Variants in ABCA3 observed in about 807,000 individuals in gnomAD.
The protein encoded by ABCA3 is phospholipid-transporting ATPase ABCA3.
Under a neutral mutation model 172.8 loss-of-function variants are expected in ABCA3, and 88 were observed. The observed-to-expected ratio is 0.51, with a 90% CI of 0.43 to 0.61. ABCA3 has a LOEUF of 0.61. Among genes scored for constraint, ABCA3 ranks in the 20% least tolerant of loss-of-function variants. ABCA3 has a pLI of 0.00. For missense variants in ABCA3, 2,164 were observed against 2,301.0 expected (o/e 0.94, Z 1.22); for synonymous variants, 1,066 against 983.8 (o/e 1.08, Z -1.56).
rs1350489801 is a variant in ABCA3 at position 2,283,417 on chromosome 16, G to C, written c.3863-59C>G. 4.9e-5 allele frequency: 77 copies of C among 1,584,266 alleles called. No individual in the cohort carries two copies. Among genetic ancestry groups the C allele is most frequent in the Non-Finnish European group, 3.4e-6 (4 of 1,161,508 alleles). The stretch of plus-strand genomic sequence containing the variant: ...CTGGGGCACCCTCCTCCCCTTCCAG[G>C]TTCCCGGCCCCCACTCCCCTCCCCA... On this transcript the variant is annotated intron_variant, in intron 25 of 32. Coordinates refer to ENST00000301732, the MANE Select transcript of ABCA3 (RefSeq NM_001089.3). The surrounding 1 kb of genome is among the most constrained non-coding windows in gnomAD (Gnocchi z 5.4).
chr16:2,321,459 T>C (rs2093725970), intron 7 of ABCA3, among the ~76,000 whole-genome samples: 1 of 152,194 alleles, frequency 6.6e-6, no homozygotes, highest in South Asian at 2.1e-4. Flanking sequence ...TCATGCCTCA[T>C]GGAGGGATGG....
chr16:2,318,505 CTTTT>C (rs2093720242), intron 8 of ABCA3, among the ~76,000 whole-genome samples: 1 of 151,744 alleles, frequency 6.6e-6, no homozygotes, highest in African/African-American at 2.4e-5. Flanking sequence ...CTTTTTCTTT[CTTTT>C]TCTCTTTTTC....
intron 18 of ABCA3, 114 bp from the exon 19 acceptor site, chr16:2,292,352 C>A: frequency 2.4e-6 from 2 of 846,394 alleles, no homozygotes; most frequent in Non-Finnish European, 3.9e-6. Context: ...GTAACCCCAG[C>A]ACTTTGGGAC....
At chr16:2,308,417 G>A (rs554588156) in intron 11 of ABCA3, 33 bp downstream of exon 11, 42 of 1,613,554 alleles carry the variant, frequency 2.6e-5, no homozygotes, top group African/African-American at 6.7e-5. Context: ...TTACTGATTC[G>A]GAAAGAACAG....
intron 10 of ABCA3, among the ~76,000 whole-genome samples, chr16:2,315,917 A>G (rs2093714701): frequency 1.4e-5 from 2 of 140,698 alleles, no homozygotes; most frequent in Non-Finnish European, 3.0e-5. Context: ...TCCTGGGCTC[A>G]AGTGATCCTC....
At position 2,319,579 on chromosome 16, in the gene ABCA3, A is replaced by ACCTTTCAC; in HGVS notation, c.873+1_873+2insGTGAAAGG. The ACCTTTCAC allele has an allele frequency of 6.2e-7, 1 of 1,610,542 alleles. No homozygotes were observed. Among genetic ancestry groups the ACCTTTCAC allele is most frequent in the South Asian group, 1.1e-5 (1 of 91,046 alleles). On this transcript the variant is annotated splice_donor_variant, in intron 8 of 32. Coordinates refer to ENST00000301732, the MANE Select transcript of ABCA3 (RefSeq NM_001089.3). LOFTEE classifies it high-confidence loss of function. Reference sequence around the variant, plus strand: ...TGTTGGGGAGCCAAAGCGGGCAGTCACCTTCAGCCTCCTTTCCTTCTCCTG... The same window carrying ACCTTTCAC: ...TGTTGGGGAGCCAAAGCGGGCAGTCACCTTTCACCCTTCAGCCTCCTTTCCTTCTCCTG...
In ABCA3 at chr16:2,283,482, G is replaced by A. The variant is rs573041630; in HGVS notation, c.3863-124C>T. ...CCTGTAACAATGTCCCCTCCATGGG[G>A]AGATGTGAAGGCCAGTAGGTCACAG... On this transcript the variant is annotated intron_variant, in intron 25 of 32. Transcript: ENST00000301732. This position sits in a 1 kb window ranked among gnomAD's most constrained non-coding sequence, Gnocchi z 5.4. The A allele has an allele frequency of 2.6e-6, 3 of 1,137,752 alleles. No individual in the cohort carries two copies. The highest frequency in any genetic ancestry group is 2.5e-5 in the East Asian group (1 of 39,310). The allele number at this position is 1,137,752 out of a possible 1,614,324, so 70.5% of individuals were successfully genotyped here.
At chr16:2,303,375 C>T (rs1352743313) in intron 12 of ABCA3, among the ~76,000 whole-genome samples, 1 of 151,626 alleles carries the variant, frequency 6.6e-6, no homozygotes, top group Non-Finnish European at 1.5e-5. Flanking sequence ...CATTCTCCTG[C>T]CTCAGCCTCC....
intron 3 of ABCA3, among the ~76,000 whole-genome samples, chr16:2,326,936 C>T (rs1386577228): frequency 1.3e-5 from 2 of 152,072 alleles, no homozygotes. Flanking sequence ...TGCAGTGAGC[C>T]AAGATCGTGC....
intron 1 of ABCA3, chr16:2,332,678 T>C (rs537402951): frequency 1.3e-6 from 2 of 1,598,452 alleles, no homozygotes; most frequent in African/African-American, 2.7e-5. Flanking sequence ...TTGCCGCGTT[T>C]GCAGTGTGCC....
Position 2,304,749 on chromosome 16 carries a change from C to T in ABCA3, c.1286-599G>A, listed in dbSNP as rs550838025. On this transcript the variant is annotated intron_variant, in intron 11 of 32. Coordinates refer to ENST00000301732, the MANE Select transcript of ABCA3 (RefSeq NM_001089.3). ...GGAGTGCAGTGGCACGATCTCGGCT[C>T]ACTGCAAGCTCCACCTCCCGGGTTC... Among the ~76,000 whole-genome samples, 3 of 150,654 alleles carry T rather than the reference C, an allele frequency of 2.0e-5. No homozygotes were observed. The South Asian group carries it at 6.3e-4, about 32-fold the overall frequency.
At chr16:2,339,525 C>T (rs1290569265) in intron 1 of ABCA3, among the ~76,000 whole-genome samples, 2 of 152,206 alleles carry the variant, frequency 1.3e-5, no homozygotes, top group Non-Finnish European at 2.9e-5. Flanking sequence ...CAGTCTTAGT[C>T]TTTTCAAGTT....
chr16:2,301,143 A>G (rs1414421763), intron 12 of ABCA3, among the ~76,000 whole-genome samples: 1 of 150,124 alleles, frequency 6.7e-6, no homozygotes, highest in African/African-American at 2.5e-5. Context: ...AGGCAGGAGA[A>G]TGGCGTGAAC....
At chr16:2,317,159 T>G in intron 10 of ABCA3, 124 bp downstream of exon 10, 1 of 1,427,984 alleles carries the variant, frequency 7.0e-7, no homozygotes, top group Non-Finnish European at 9.7e-7. Flanking sequence ...CTTCCCCTGG[T>G]CAGCTCCTCC....
chr16:2,299,550 G>T lies in ABCA3; in HGVS notation c.1612-18C>A, dbSNP rs775132182. The T allele has an allele frequency of 8.7e-6, 14 of 1,611,582 alleles. No individual in the cohort carries two copies. The highest frequency in any genetic ancestry group is 1.2e-5 in the Non-Finnish European group (14 of 1,179,992). On this transcript the variant is annotated intron_variant, in intron 13 of 32. Coordinates refer to ENST00000301732, the MANE Select transcript of ABCA3 (RefSeq NM_001089.3). ...CTGAACACCTGCAGGAAAGGCAGAGGCTGCCCTGGGCTACCCACAGCCCCG... is the reference window on the plus strand; with the variant it reads ...CTGAACACCTGCAGGAAAGGCAGAGTCTGCCCTGGGCTACCCACAGCCCCG...
At chr16:2,317,518 C>T (rs2093718082) in intron 9 of ABCA3, 115 bp from the exon 10 acceptor site, 4 of 1,585,822 alleles carry the variant, frequency 2.5e-6, no homozygotes, top group Non-Finnish European at 2.6e-6. Flanking sequence ...GGGACATTGA[C>T]AGCTCCTCTC....
chr16:2,306,808 G>A (rs1567346865), intron 11 of ABCA3, among the ~76,000 whole-genome samples: 1 of 152,032 alleles, frequency 6.6e-6, no homozygotes, highest in African/African-American at 2.4e-5. Flanking sequence ...AAGGTCAGAA[G>A]ATCGAGACCA....
chr16:2,307,090 T>G (rs1251484783), intron 11 of ABCA3, among the ~76,000 whole-genome samples: 1 of 151,040 alleles, frequency 6.6e-6, no homozygotes, highest in Admixed American at 6.6e-5. Context: ...CACTCCAGGC[T>G]GGGTGACACA....
In ABCA3 at chr16:2,289,595, T is replaced by C. The variant is rs369759665; in HGVS notation, c.2539A>G (p.Met847Val). The change falls in exon 20 of 33, where the codon ATG (methionine) becomes GTG (valine). Residue 847 changes from methionine to valine, a missense_variant. By Grantham distance (21) the Met-to-Val change is conservative (BLOSUM62 1). Transcript: ENST00000301732. The part of the protein sequence containing the change: ...LRVGKLVDSS[M>V]DIQAIQLPAL... ...GGGAGCTGGATGGCCTGGATGTCCA[T>C]ACTGCTGTCCACCAGCTTCCCGACC... 1.6e-4 allele frequency: 255 copies of C among 1,554,282 alleles called. No individual in the cohort carries two copies. Among genetic ancestry groups the C allele is most frequent in the Non-Finnish European group, 2.1e-4 (236 of 1,149,758 alleles).
Sources: gnomAD v4.1 joint callset for allele counts (sites outside exome capture counted in the v4.1 genomes callset) on GRCh38, gnomAD v4.1.1 for gene constraint, Gnocchi (gnomAD v3.1) non-coding constraint, MANE v1.5 for transcripts, NCBI Gene and HGNC (gene_info 2026-07-23, HGNC 2026-07-21) for gene names.